Variants in DISP1 observed in about 807,000 individuals in gnomAD.
DISP1 encodes the protein dispatched RND transporter family member 1, also known as protein dispatched homolog 1.
A neutral mutation model predicts 37.3 loss-of-function variants in DISP1; 30 were observed. That is an observed-to-expected ratio of 0.80 (90% CI 0.60 to 1.09). The LOEUF (loss-of-function observed/expected upper bound fraction) is 1.09, where lower values mean the gene tolerates loss of function less well. DISP1 is among the 50% of genes least tolerant of loss of function. The probability of loss-of-function intolerance (pLI) is 0.00; values close to 1 mark genes in which losing one functional copy is unlikely to be tolerated. For synonymous variants in DISP1, 634 were observed against 690.2 expected (o/e 0.92, Z 1.28); for missense variants, 1,598 against 1,879.5 (o/e 0.85, Z 2.77).
At chr1:222,972,089 C>T (rs1295576635) in intron 3 of DISP1, among the ~76,000 whole-genome samples, 3 of 151,956 alleles carry the variant, frequency 2.0e-5, no homozygotes, top group Non-Finnish European at 4.4e-5. Flanking sequence ...TAGTTTGAGG[C>T]ACTTCTAATT....
At chr1:222,854,460 G>C (rs1015012679) in intron 1 of DISP1, among the ~76,000 whole-genome samples, 5 of 152,094 alleles carry the variant, frequency 3.3e-5, no homozygotes, top group Non-Finnish European at 7.4e-5. Flanking sequence ...CATCATGGGG[G>C]AAACTGCCCC....
chr1:222,911,567 C>T (rs1205728611), intron 1 of DISP1, among the ~76,000 whole-genome samples: 1 of 151,722 alleles, frequency 6.6e-6, no homozygotes, highest in Non-Finnish European at 1.5e-5. Flanking sequence ...TGCAGTGGTG[C>T]AGTCATAGCT....
At chr1:222,979,684 C>T (rs1359681094) in intron 3 of DISP1, 2 of 470,606 alleles carry the variant, frequency 4.2e-6, no homozygotes, top group Non-Finnish European at 8.8e-6. Flanking sequence ...TCACTGAAAG[C>T]CCAGTCTGTG....
At chr1:222,963,774 G>A (rs1233630789) in intron 3 of DISP1, among the ~76,000 whole-genome samples, 5 of 151,890 alleles carry the variant, frequency 3.3e-5, no homozygotes, top group Admixed American at 2.0e-4. Flanking sequence ...GGGGGTTGGG[G>A]GTGAGAGAAG....
At chr1:222,903,919 C>T (rs1432755830) in intron 1 of DISP1, among the ~76,000 whole-genome samples, 1 of 152,166 alleles carries the variant, frequency 6.6e-6, no homozygotes, top group East Asian at 1.9e-4. Context: ...CAATAGAGTG[C>T]ATAAACATCA....
chr1:222,936,677 A>G (rs57995298), intron 2 of DISP1, among the ~76,000 whole-genome samples: 1 of 106,840 alleles, frequency 9.4e-6, no homozygotes, highest in Non-Finnish European at 1.8e-5. Flanking sequence ...AGGTATATAT[A>G]ATATATAAAA....
chr1:222,830,908 A>G (rs1331477400), intron 1 of DISP1: 1 of 152,068 alleles, frequency 6.6e-6, no homozygotes, highest in Non-Finnish European at 1.5e-5. Context: ...TTTTATTTAG[A>G]TCTGGTCTTT....
chr1:222,830,532 C>T (rs1374503430), intron 1 of DISP1, among the ~76,000 whole-genome samples: 1 of 152,164 alleles, frequency 6.6e-6, no homozygotes, highest in African/African-American at 2.4e-5. Flanking sequence ...AGGCGCGTGT[C>T]ACCATGCCCG....
At chr1:222,843,837 C>A (rs751968417) in intron 1 of DISP1, among the ~76,000 whole-genome samples, 8 of 152,074 alleles carry the variant, frequency 5.3e-5, no homozygotes, top group Non-Finnish European at 1.0e-4. Flanking sequence ...AGATAACATT[C>A]CACAGGAGAG....
At chr1:222,905,397 C>A (rs1042606120) in intron 1 of DISP1, among the ~76,000 whole-genome samples, 2 of 151,776 alleles carry the variant, frequency 1.3e-5, no homozygotes, top group Non-Finnish European at 2.9e-5. Flanking sequence ...TTTCAAACAA[C>A]CATTAACTTT....
chr1:222,912,428 T>C (rs959503499), intron 1 of DISP1, among the ~76,000 whole-genome samples: 1 of 152,248 alleles, frequency 6.6e-6, no homozygotes. Context: ...TTTCCTACTT[T>C]TCCCTCAGAT....
At chr1:222,850,138 A>G (rs1045594163) in intron 1 of DISP1, among the ~76,000 whole-genome samples, 1 of 152,224 alleles carries the variant, frequency 6.6e-6, no homozygotes, top group Non-Finnish European at 1.5e-5. Flanking sequence ...CATAAAAAAA[A>G]TGCTTAGCAT....
rs374091854 is a variant in DISP1, at chr1:223,002,497, G to A, written c.1100G>A (p.Cys367Tyr). The change falls in exon 9 of 9, where the codon TGT becomes TAT. Residue 367 changes from cysteine to tyrosine, a missense_variant. By Grantham distance (194) the Cys-to-Tyr change is radical (BLOSUM62 -2). Transcript: ENST00000675850. ...GCCATTCTGAACAATAGATCGTCCT[G>A]TCAGAAAATAGTTGAGCGAGACGTT... ...YIAILNNRSS[C>Y]QKIVERDVSH... 1.2e-6 allele frequency: 2 copies of A among 1,614,076 alleles called. No homozygotes were observed. Among genetic ancestry groups the A allele is most frequent in the Non-Finnish European group, 1.7e-6 (2 of 1,180,046 alleles).
intron 1 of DISP1, among the ~76,000 whole-genome samples, chr1:222,873,789 G>A (rs114354312): frequency 0.015 from 2,251 of 152,226 alleles, 57 homozygotes; most frequent in African/African-American, 0.051. Context: ...GGTTAGTATT[G>A]TTATATGTGA....
chr1:222,858,719 CT>C (rs33929052), intron 1 of DISP1, among the ~76,000 whole-genome samples: 125,736 of 152,062 alleles, frequency 0.83, 52,322 homozygotes, highest in African/African-American at 0.93. Flanking sequence ...AGCCAACAAA[CT>C]TTTTAAAAAA....
intron 3 of DISP1, among the ~76,000 whole-genome samples, chr1:222,976,989 C>A (rs1413731748): frequency 2.6e-5 from 4 of 152,160 alleles, no homozygotes; most frequent in Admixed American, 2.6e-4. Flanking sequence ...AACACATTTG[C>A]TTTCATAGCT....
chr1:222,989,586 A>G (rs996639394), intron 4 of DISP1: 8 of 984,482 alleles, frequency 8.1e-6, no homozygotes, highest in Admixed American at 6.1e-5. Context: ...GGATTTGGTA[A>G]TAGAGACAGT....
intron 3 of DISP1, among the ~76,000 whole-genome samples, chr1:222,952,953 G>T (rs538595484): frequency 1.3e-5 from 2 of 152,124 alleles, no homozygotes; most frequent in Admixed American, 1.3e-4. Flanking sequence ...TCTAGAGGCC[G>T]CAATTACATT....
chr1:222,963,528 A>G (rs374975924), intron 3 of DISP1, among the ~76,000 whole-genome samples: 1 of 152,240 alleles, frequency 6.6e-6, no homozygotes, highest in South Asian at 2.1e-4. Context: ...ATGCCCATCA[A>G]TGATAGACTG....
Sources: gnomAD v4.1 joint callset for allele counts (sites outside exome capture counted in the v4.1 genomes callset) on GRCh38, gnomAD v4.1.1 for gene constraint, MANE v1.5 for transcripts, NCBI Gene and HGNC (gene_info 2026-07-23, HGNC 2026-07-21) for gene names.